HMGCS1: variants seen among roughly 807,000 people sequenced by gnomAD.
The protein encoded by HMGCS1 is hydroxymethylglutaryl-CoA synthase, cytoplasmic.
In HMGCS1, 9 loss-of-function variants were observed where a neutral mutation model predicts 52.3. The ratio of observed to expected loss-of-function variants is 0.17; its 90% CI spans 0.10 to 0.30. The LOEUF is 0.30. Ranked by LOEUF, HMGCS1 falls within the 10% of genes least tolerant of loss-of-function variation. The pLI, the probability that HMGCS1 is intolerant of heterozygous loss-of-function variation, is 1.00. For missense variants in HMGCS1, 320 were observed against 620.9 expected (o/e 0.52, Z 5.15); for synonymous variants, 176 against 214.4 (o/e 0.82, Z 1.57).
intron 8 of HMGCS1, chr5:43,293,610 G>C (rs1363452485): frequency 6.7e-6 from 1 of 149,680 alleles, no homozygotes; most frequent in East Asian, 2.0e-4. Flanking sequence ...AAAACCTACT[G>C]AAAGAAGTAA....
intron 2 of HMGCS1, 144 bp from the exon 3 acceptor site, chr5:43,299,119 T>C (rs1754178011): frequency 3.4e-6 from 2 of 587,672 alleles, no homozygotes. Flanking sequence ...GGCACTCAAT[T>C]GTGTACATGT....
intron 10 of HMGCS1, 28 bp from the exon 11 acceptor site, chr5:43,291,248 C>G: frequency 1.5e-6 from 2 of 1,343,868 alleles, no homozygotes; most frequent in Non-Finnish European, 2.1e-6. Context: ...AAGTTGATGG[C>G]TCTTATGATT....
chr5:43,307,336 G>C (rs903367148), intron 2 of HMGCS1, among the ~76,000 whole-genome samples: 2 of 152,046 alleles, frequency 1.3e-5, no homozygotes, highest in African/African-American at 2.4e-5. Context: ...GCCTCCCAAA[G>C]TGGTGGGATT....
intron 10 of HMGCS1, 144 bp downstream of exon 10, chr5:43,292,330 A>T: frequency 1.6e-6 from 1 of 640,874 alleles, no homozygotes; most frequent in Non-Finnish European, 2.7e-6. Flanking sequence ...TTCAAATGCA[A>T]AGCACTTTAT....
intron 7 of HMGCS1, 89 bp downstream of exon 7, chr5:43,294,602 C>T: frequency 2.1e-6 from 2 of 960,576 alleles, no homozygotes; most frequent in Non-Finnish European, 1.5e-6. Flanking sequence ...TGTGATCTAC[C>T]ACCAACATGC....
intron 1 of HMGCS1, among the ~76,000 whole-genome samples, chr5:43,312,575 G>C (rs868168531): frequency 3.3e-5 from 5 of 152,300 alleles, no homozygotes; most frequent in Middle Eastern, 6.8e-3. Flanking sequence ...CTATTTGTGG[G>C]AGGACTCTGT....
At chr5:43,293,715 ATTT>A (rs34929647) in intron 8 of HMGCS1, 140 of 147,234 alleles carry the variant, frequency 9.5e-4, no homozygotes, top group Middle Eastern at 3.2e-3. Context: ...TTCTCAATAC[ATTT>A]TTTTTTTTTT....
chr5:43,296,947 T>C (rs111487734), intron 5 of HMGCS1, 55 bp downstream of exon 5: 1 of 1,383,970 alleles, frequency 7.2e-7, no homozygotes, highest in African/African-American at 1.4e-5. Flanking sequence ...AGATACCTAG[T>C]ACATTAGACT....
chr5:43,291,550 A>G (rs1753768598), intron 10 of HMGCS1, among the ~76,000 whole-genome samples: 1 of 152,174 alleles, frequency 6.6e-6, no homozygotes, highest in African/African-American at 2.4e-5. Context: ...AATAGCAAAA[A>G]GCAAGACTAT....
intron 2 of HMGCS1, among the ~76,000 whole-genome samples, chr5:43,302,944 T>C (rs1482171766): frequency 2.6e-5 from 4 of 152,236 alleles, no homozygotes; most frequent in Non-Finnish European, 5.9e-5. Context: ...ACTCTAAATA[T>C]GTGAAATTTA....
chr5:43,296,854 T>C (rs573672237), intron 5 of HMGCS1, 148 bp downstream of exon 5: 6 of 616,450 alleles, frequency 9.7e-6, no homozygotes, highest in Admixed American at 2.9e-5. Flanking sequence ...CCAGAAACTA[T>C]GGGAAAATGT....
chr5:43,290,957 CAA>C lies in HMGCS1; in HGVS notation c.*172_*173del, dbSNP rs1484379862. The C allele has an allele frequency of 3.6e-6, 2 of 563,002 alleles. No homozygotes were observed. The highest frequency in any genetic ancestry group is 3.7e-5 in the African/African-American group (2 of 53,454). 34.9% of individuals were successfully genotyped at this position (563,002 alleles called of 1,614,324 possible). A position where few individuals can be genotyped will look rare whatever the true frequency, so the allele number is the denominator to read the frequency against. On this transcript the variant is annotated 3_prime_UTR_variant, in exon 11 of 11. Transcript: ENST00000325110. Reference sequence around the variant, plus strand: ...ACAGGAAGCATGTCAGCAAATAGAGCAAAGAGACTTTCCCAAGTACACGATAG... The same window carrying C: ...ACAGGAAGCATGTCAGCAAATAGAGCAGAGACTTTCCCAAGTACACGATAG...
At chr5:43,309,935 G>T (rs1754777550) in intron 1 of HMGCS1, among the ~76,000 whole-genome samples, 3 of 152,230 alleles carry the variant, frequency 2.0e-5, no homozygotes, top group Non-Finnish European at 4.4e-5. Flanking sequence ...AGTTTACTCA[G>T]TGTTCTGAAT....
At chr5:43,309,355 C>T (rs1259865593) in intron 1 of HMGCS1, among the ~76,000 whole-genome samples, 1 of 151,964 alleles carries the variant, frequency 6.6e-6, no homozygotes, top group Non-Finnish European at 1.5e-5. Context: ...CCTCCTGTCT[C>T]AGACCCCGCA....
At chr5:43,306,250 A>G (rs1463026114) in intron 2 of HMGCS1, among the ~76,000 whole-genome samples, 1 of 152,200 alleles carries the variant, frequency 6.6e-6, no homozygotes, top group Non-Finnish European at 1.5e-5. Context: ...TACATAAAAG[A>G]CCTATATAGT....
At position 43,292,909 on chromosome 5, in the gene HMGCS1, A is replaced by G. The variant is rs892276353; in HGVS notation, c.1248T>C (p.Thr416=). 2 of 1,610,748 alleles carry G rather than the reference A, an allele frequency of 1.2e-6. No homozygotes were observed. The highest frequency in any genetic ancestry group is 1.3e-5 in the African/African-American group (1 of 74,754). ...CAGCGAAGACATCTGGTGCCACACC[A>G]GTTCTTGAATCAAGCCTTGATTTAA... ...CDLKSRLDSR[T]GVAPDVFAEN... The change falls in exon 9 of 11, where the codon ACT becomes ACC. Residue 416 remains threonine, a synonymous_variant. Coordinates refer to ENST00000325110, the MANE Select transcript of HMGCS1 (RefSeq NM_001098272.3).
intron 4 of HMGCS1, among the ~76,000 whole-genome samples, 170 bp downstream of exon 4, chr5:43,297,838 CA>C (rs371302116): frequency 2.3e-3 from 155 of 67,900 alleles, no homozygotes; most frequent in Admixed American, 3.0e-3. Context: ...AACTCGGTCT[CA>C]AAAAAAAAAA....
At chr5:43,305,216 C>T (rs1017350654) in intron 2 of HMGCS1, among the ~76,000 whole-genome samples, 1 of 152,000 alleles carries the variant, frequency 6.6e-6, no homozygotes, top group East Asian at 1.9e-4. Context: ...AAACTCCTGA[C>T]CTCAAGTGAT....
intron 10 of HMGCS1, among the ~76,000 whole-genome samples, chr5:43,291,421 T>C (rs1018143364): frequency 2.6e-5 from 4 of 152,188 alleles, no homozygotes; most frequent in African/African-American, 7.2e-5. Context: ...TATACAATTA[T>C]CCATATGGGG....
Sources: allele counts gnomAD v4.1 joint callset (sites outside exome capture counted in the v4.1 genomes callset), GRCh38; gene constraint gnomAD v4.1.1; transcripts MANE v1.5; gene names NCBI Gene and HGNC (gene_info 2026-07-23, HGNC 2026-07-21).